The following FRAS1 variants were observed in gnomAD, a reference collection of about 807,000 sequenced individuals.
FRAS1 encodes the protein extracellular matrix organizing protein FRAS1.
Under a neutral mutation model 435.2 loss-of-function variants are expected in FRAS1, and 290 were observed. That is an observed-to-expected ratio of 0.67 (90% CI 0.61 to 0.73). The LOEUF is 0.73. Ranked by LOEUF, FRAS1 falls within the 30% of genes least tolerant of loss-of-function variation. FRAS1 has a pLI of 0.00. For missense variants in FRAS1, 4,860 were observed against 5,001.5 expected, an observed-to-expected ratio of 0.97 and a Z score of 0.85; for synonymous variants, 1,800 against 1,851.0, an observed-to-expected ratio of 0.97 and a Z score of 0.71.
At chr4:78,381,553 G>A (rs1376997792) in intron 27 of FRAS1, among the ~76,000 whole-genome samples, 2 of 152,178 alleles carry the variant, frequency 1.3e-5, no homozygotes, top group East Asian at 1.9e-4. Context: ...GCCTCCCAAA[G>A]TGCTGCAATT....
At chr4:78,163,169 G>T (rs1030347725) in intron 2 of FRAS1, among the ~76,000 whole-genome samples, 1 of 152,164 alleles carries the variant, frequency 6.6e-6, no homozygotes. Context: ...TTTAGTGGAG[G>T]CTGTTGGAAC....
chr4:78,282,903 A>T lies in FRAS1; in HGVS notation c.1191A>T (p.Pro397=), dbSNP rs762082727. The T allele has an allele frequency of 6.2e-6, 10 of 1,612,144 alleles. No homozygotes were observed. The highest frequency in any genetic ancestry group is 8.5e-6 in the Non-Finnish European group (10 of 1,179,370). Residue 397 remains proline (P), a synonymous_variant, in exon 12 of 74, where the codon CCA becomes CCT. Transcript: ENST00000512123. Reference sequence around the variant, plus strand: ...TAACTTGCTACGAGCCCTCTTGCCCACCATGTCCAGTGGGCACACTGGCCT... The same window carrying T: ...TAACTTGCTACGAGCCCTCTTGCCCTCCATGTCCAGTGGGCACACTGGCCT... ...AQVTCYEPSC[P]PCPVGTLALE... is the part of the protein sequence containing the mutation.
intron 20 of FRAS1, among the ~76,000 whole-genome samples, chr4:78,358,552 TAAC>T (rs35853285): frequency 0.62 from 93,968 of 151,690 alleles, 29,705 homozygotes; most frequent in Non-Finnish European, 0.67. Flanking sequence ...ATGGGGATAA[TAAC>T]AGTGCCTACT....
At chr4:78,499,692 C>A (rs1168092724) in intron 60 of FRAS1, 29 bp from the exon 61 acceptor site, 1 of 1,599,530 alleles carries the variant, frequency 6.3e-7, no homozygotes, top group Non-Finnish European at 8.6e-7. Context: ...TTCTAACTGG[C>A]TCTTGTTTTC....
chr4:78,403,156 A>T (rs1732963455), intron 30 of FRAS1, among the ~76,000 whole-genome samples: 1 of 152,108 alleles, frequency 6.6e-6, no homozygotes, highest in South Asian at 2.1e-4. Context: ...GACTCTTTTG[A>T]TGTATTAAAT....
At chr4:78,518,524 A>T (rs1477014854) in intron 66 of FRAS1, among the ~76,000 whole-genome samples, 2 of 151,202 alleles carry the variant, frequency 1.3e-5, no homozygotes, top group Non-Finnish European at 2.9e-5. Flanking sequence ...CTCCCCATTC[A>T]CACACACATA....
At chr4:78,158,234 T>C (rs1479988088) in intron 2 of FRAS1, among the ~76,000 whole-genome samples, 1 of 152,242 alleles carries the variant, frequency 6.6e-6, no homozygotes, top group African/African-American at 2.4e-5. Flanking sequence ...GGTGGTTTGA[T>C]AGAAATAGCA....
intron 10 of FRAS1, 97 bp from the exon 11 acceptor site, chr4:78,281,301 T>C: frequency 1.3e-6 from 1 of 777,924 alleles, no homozygotes. Context: ...AGTTGCATGT[T>C]CCTTGGGAAA....
At chr4:78,376,906 G>A (rs987527091) in intron 26 of FRAS1, among the ~76,000 whole-genome samples, 3 of 151,998 alleles carry the variant, frequency 2.0e-5, no homozygotes, top group Admixed American at 6.6e-5. Context: ...CAGGAGAATC[G>A]CTTCTTGAAC....
rs868775259 is a variant in FRAS1, at chr4:78,497,786, T to A, written c.9115+825T>A. Among the ~76,000 whole-genome samples, 4 of 152,314 alleles carry A rather than the reference T, an allele frequency of 2.6e-5. 1 individual carries two copies. The highest frequency in any genetic ancestry group is 9.6e-5 in the African/African-American group (4 of 41,566). ...CTGTACTCTTAAGTATACTCTTAAG[T>A]GACTCTTAGGGTTTCTAGGGAAATA... is the stretch of plus-strand genomic sequence containing the variant. On this transcript the variant is annotated intron_variant, in intron 60 of 73. Coordinates refer to ENST00000512123, the MANE Select transcript of FRAS1 (RefSeq NM_025074.7).
At chr4:78,274,624 T>C (rs1039989343) in intron 9 of FRAS1, among the ~76,000 whole-genome samples, 1 of 152,196 alleles carries the variant, frequency 6.6e-6, no homozygotes, top group Non-Finnish European at 1.5e-5. Context: ...GTTGAGCAGT[T>C]TGGAGTGAGT....
At chr4:78,391,603 T>C (rs1037933499) in intron 29 of FRAS1, among the ~76,000 whole-genome samples, 1 of 152,216 alleles carries the variant, frequency 6.6e-6, no homozygotes, top group African/African-American at 2.4e-5. Context: ...ATGCCTTTTT[T>C]TTCCACTCTG....
At chr4:78,370,070 A>G (rs1578279423) in intron 23 of FRAS1, 86 bp downstream of exon 23, 3 of 1,304,814 alleles carry the variant, frequency 2.3e-6, no homozygotes, top group South Asian at 3.0e-5. Flanking sequence ...TATTGGGAAA[A>G]CACCAGTCAT....
chr4:78,234,026 G>A (rs1724631314), intron 2 of FRAS1, among the ~76,000 whole-genome samples: 1 of 152,188 alleles, frequency 6.6e-6, no homozygotes, highest in Non-Finnish European at 1.5e-5. Context: ...AATTGTCCCT[G>A]TGGTCAGCAC....
chr4:78,151,925 T>C (rs939256443), intron 2 of FRAS1, among the ~76,000 whole-genome samples: 3 of 152,160 alleles, frequency 2.0e-5, no homozygotes, highest in African/African-American at 7.2e-5. Flanking sequence ...CAAGAATTCT[T>C]ACTCTTCCTT....
intron 20 of FRAS1, among the ~76,000 whole-genome samples, chr4:78,343,464 T>C (rs1730479681): frequency 7.3e-6 from 1 of 136,812 alleles, no homozygotes; most frequent in African/African-American, 2.6e-5. Context: ...CTACCCTACC[T>C]TCTTTCTTTT....
At chr4:78,447,287 G>GAAAAA (rs1718873716) in intron 43 of FRAS1, among the ~76,000 whole-genome samples, 1 of 33,198 alleles carries the variant, frequency 3.0e-5, no homozygotes, top group Non-Finnish European at 8.3e-5. Context: ...TGTTCCTTTT[G>GAAAAA]TAAAAAAAAA....
rs1578360111 is a variant in FRAS1 at position 78,499,865 on chromosome 4, C to T, written c.9260C>T (p.Ser3087Phe). 2 of 1,611,206 alleles carry T rather than the reference C, an allele frequency of 1.2e-6. No homozygotes were observed. Among genetic ancestry groups the T allele is most frequent in the Non-Finnish European group, 1.7e-6 (2 of 1,177,862 alleles). ...SKVRCSTRDG[S>F]AQSGVDYYPK... is the part of the protein sequence containing the mutation. ...GTTCGCTGCAGCACGCGGGATGGCT[C>T]TGCCCAGTCTGGTGTGGATTATTAC... The change falls in exon 61 of 74, where the codon TCT (serine) becomes TTT (phenylalanine). Residue 3087 changes from serine to phenylalanine, a missense_variant. Ser to Phe is a radical substitution (Grantham distance 155, BLOSUM62 -2). Transcript: ENST00000512123.
rs544359615 is a variant in FRAS1 at position 78,172,524 on chromosome 4, T to C, written c.109-64986T>C. On this transcript the variant is annotated intron_variant, in intron 2 of 73. Coordinates refer to ENST00000512123, the MANE Select transcript of FRAS1 (RefSeq NM_025074.7). Reference sequence around the variant, plus strand: ...TGTTAACACTTTGGAAATTTGTTTTTAGTTAGTTTCTAATCTTGGTAGATA... The same window carrying C: ...TGTTAACACTTTGGAAATTTGTTTTCAGTTAGTTTCTAATCTTGGTAGATA... 4.3e-4 allele frequency among the ~76,000 whole-genome samples: 66 copies of C among 152,290 alleles called. No homozygotes were observed. In the South Asian group the frequency reaches 0.013, roughly 30 times the overall value.
Sources: gnomAD v4.1 joint callset for allele counts (sites outside exome capture counted in the v4.1 genomes callset) on GRCh38, gnomAD v4.1.1 for gene constraint, MANE v1.5 for transcripts, NCBI Gene and HGNC (gene_info 2026-07-23, HGNC 2026-07-21) for gene names.